Variants in TFB1M observed in about 807,000 individuals in gnomAD.
TFB1M encodes dimethyladenosine transferase 1, mitochondrial.
Under a neutral mutation model 31.1 loss-of-function variants are expected in TFB1M, and 27 were observed. The observed-to-expected ratio is 0.87, with a 90% CI of 0.64 to 1.20. The LOEUF is 1.20. TFB1M is among the 50% of genes most tolerant of loss of function. The pLI is 0.00. For missense variants in TFB1M, 394 were observed against 418.7 expected, an observed-to-expected ratio of 0.94 and a Z score of 0.51; for synonymous variants, 166 against 151.8, an observed-to-expected ratio of 1.09 and a Z score of -0.69.
rs773627363 is a variant in TFB1M at position 155,285,219 on chromosome 6, T to C, written c.605A>G (p.Tyr202Cys). 2.5e-6 allele frequency: 4 copies of C among 1,614,016 alleles called. No homozygotes were observed. Among genetic ancestry groups the C allele is most frequent in the Non-Finnish European group, 3.4e-6 (4 of 1,179,898 alleles). Reference protein sequence around the residue: ...QRSRLSVMAQYLCNVRHIFTI... With the variant: ...QRSRLSVMAQCLCNVRHIFTI... ...AAAGATGTGTCGAACATTGCAGAGG[T>C]ACTGAGCCATAACAGAGAGGCGACT... is the stretch of plus-strand genomic sequence containing the variant. Residue 202 changes from tyrosine to cysteine, a missense_variant, in exon 5 of 7, where the codon TAC (tyrosine) becomes TGC (cysteine). Tyr to Cys is a radical substitution (Grantham distance 194). Around this residue, in one of 3 missense-constraint regions of TFB1M, gnomAD observed 273 missense variants for 256.4 expected, o/e 1.06. Coordinates refer to ENST00000367166, the MANE Select transcript of TFB1M (RefSeq NM_016020.4).
the TFB1M span, among the ~76,000 whole-genome samples, chr6:155,242,813 G>A: frequency 6.6e-6 from 1 of 152,066 alleles, no homozygotes; most frequent in African/African-American, 2.4e-5. Flanking sequence ...TTGGCTCACT[G>A]CAACCTCCAC....
chr6:155,282,132 C>G (rs954818423), intron 5 of TFB1M, among the ~76,000 whole-genome samples: 1 of 152,194 alleles, frequency 6.6e-6, no homozygotes, highest in South Asian at 2.1e-4. Flanking sequence ...AAGCTACATA[C>G]TACAGACTCT....
chr6:155,276,052 A>G, intron 5 of TFB1M: 1 of 1,614,212 alleles, frequency 6.2e-7, no homozygotes, highest in Admixed American at 1.7e-5. Context: ...GAGGGGACAG[A>G]GAAACCAAGA....
chr6:155,264,323 T>A (rs983467582), intron 5 of TFB1M: 1 of 152,224 alleles, frequency 6.6e-6, no homozygotes, highest in Non-Finnish European at 1.5e-5. Context: ...AGCAAGTCAC[T>A]GATGCCTGTG....
intron 5 of TFB1M, 76 bp downstream of exon 5, chr6:155,285,082 T>C (rs878898110): frequency 6.3e-7 from 1 of 1,578,662 alleles, no homozygotes; most frequent in South Asian, 1.1e-5. Context: ...ATCCTAGAGG[T>C]TATTTCCTAT....
At chr6:155,286,865 A>G (rs1195950764) in intron 4 of TFB1M, among the ~76,000 whole-genome samples, 4 of 151,908 alleles carry the variant, frequency 2.6e-5, no homozygotes, top group African/African-American at 9.7e-5. Flanking sequence ...TAATTTCTGT[A>G]TAATAAAACA....
In TFB1M at chr6:155,265,706, T is replaced by A. The variant is rs965986487; in HGVS notation, c.667-5306A>T. 4.0e-4 allele frequency among the ~76,000 whole-genome samples: 59 copies of A among 146,560 alleles called. 1 individual carries two copies. The highest frequency in any genetic ancestry group is 3.6e-3 in the Middle Eastern group (1 of 276). ...ATATGAGTTTATTAAATATAAATAT[T>A]AAATATATTTATATATAATATAAAT... On this transcript the variant is annotated intron_variant, in intron 5 of 6. Transcript: ENST00000367166.
intron 1 of TFB1M, 134 bp from the exon 2 acceptor site, chr6:155,311,473 A>T: frequency 1.3e-6 from 1 of 756,612 alleles, no homozygotes. Flanking sequence ...TATTTATTTG[A>T]CTATTTAACT....
At chr6:155,269,328 T>TTTTC in intron 5 of TFB1M, among the ~76,000 whole-genome samples, 1 of 147,240 alleles carries the variant, frequency 6.8e-6, no homozygotes, top group East Asian at 2.0e-4. Context: ...TCTTTTCTTT[T>TTTTC]TTTTTTTTTT....
intron 5 of TFB1M, among the ~76,000 whole-genome samples, chr6:155,261,607 C>A (rs1226635793): frequency 2.0e-5 from 3 of 152,126 alleles, no homozygotes; most frequent in Admixed American, 6.5e-5. Flanking sequence ...CAGCCTGACG[C>A]GCTTGTGGGA....
At chr6:155,234,004 G>GC in the TFB1M span, among the ~76,000 whole-genome samples, 64,709 of 144,484 alleles carry the variant, frequency 0.45, 14,981 homozygotes, top group Middle Eastern at 0.57. Flanking sequence ...AATTTTTTTT[G>GC]GGGGGGGGTT....
At chr6:155,251,995 A>G, downstream of TFB1M, 1 of 1,605,592 alleles carries the variant, frequency 6.2e-7, no homozygotes, top group East Asian at 2.2e-5. Context: ...CAAACTGAAA[A>G]AGAAATTGGT....
Position 155,256,886 on chromosome 6 carries a change from A to T in TFB1M, c.*950T>A. ...GGTGAGGGTCAGAAAGGAGGAGAGC[A>T]GCCCAAACTGGTCCGGGGGCACTTC... On this transcript the variant is annotated 3_prime_UTR_variant, in exon 7 of 7. Transcript: ENST00000367166. 1 of 1,614,240 alleles carries T rather than the reference A, an allele frequency of 6.2e-7. No individual in the cohort carries two copies. The highest frequency in any genetic ancestry group is 8.5e-7 in the Non-Finnish European group (1 of 1,180,044).
chr6:155,291,326 T>C (rs1776914505), intron 4 of TFB1M, among the ~76,000 whole-genome samples: 2 of 152,264 alleles, frequency 1.3e-5, no homozygotes, highest in Admixed American at 6.5e-5. Context: ...GTTGTATAAG[T>C]GCAGAGGAAA....
chr6:155,240,628 T>C, the TFB1M span: 5 of 1,614,104 alleles, frequency 3.1e-6, no homozygotes, highest in Non-Finnish European at 4.2e-6. Flanking sequence ...CTCCGAGGTC[T>C]CTGGCCCGCC....
chr6:155,238,547 T>C, the TFB1M span, among the ~76,000 whole-genome samples: 2 of 152,232 alleles, frequency 1.3e-5, no homozygotes, highest in Non-Finnish European at 2.9e-5. Context: ...TCACCCTTAC[T>C]TGCCCCTTGA....
At chr6:155,291,282 G>C (rs1226200896) in intron 4 of TFB1M, among the ~76,000 whole-genome samples, 1 of 152,076 alleles carries the variant, frequency 6.6e-6, no homozygotes, top group Non-Finnish European at 1.5e-5. Context: ...GAGATTGCTT[G>C]GTGTGGAAAA....
At chr6:155,287,424 A>T (rs1776712413) in intron 4 of TFB1M, among the ~76,000 whole-genome samples, 1 of 152,208 alleles carries the variant, frequency 6.6e-6, no homozygotes, top group African/African-American at 2.4e-5. Context: ...AACTGTGATA[A>T]TTCTGATAAT....
rs1457918001 is a variant in TFB1M, at chr6:155,256,457, C to G, written c.*1379G>C. The G allele has an allele frequency of 6.2e-7, 1 of 1,613,738 alleles. No individual in the cohort carries two copies. The highest frequency in any genetic ancestry group is 1.3e-5 in the African/African-American group (1 of 74,936). The stretch of plus-strand genomic sequence containing the variant: ...CATTGTGTAACCTGTTTCTGTATCA[C>G]AGCGAAATGTGTTTTTCTCACTGTA... On this transcript the variant is annotated 3_prime_UTR_variant, in exon 7 of 7. Transcript: ENST00000367166.
Sources: allele counts gnomAD v4.1 joint callset (sites outside exome capture counted in the v4.1 genomes callset), GRCh38; gene constraint gnomAD v4.1.1; regional missense constraint gnomAD v4.1.1; transcripts MANE v1.5; gene names NCBI Gene and HGNC (gene_info 2026-07-23, HGNC 2026-07-21).